Variants in HHLA2 observed in about 807,000 individuals in gnomAD.
HHLA2 encodes HHLA2 member of B7 family, also known as HERV-H LTR-associating protein 2.
HHLA2 carries 48 observed loss-of-function variants against 45.9 expected under a neutral mutation model. That is an observed-to-expected ratio of 1.05 (90% CI 0.83 to 1.33). The LOEUF (loss-of-function observed/expected upper bound fraction) is 1.33. HHLA2 is among the 40% of genes most tolerant of loss of function. The probability of loss-of-function intolerance (pLI) is 0.00; values close to 1 mark genes in which losing one functional copy is unlikely to be tolerated. For synonymous variants in HHLA2, 161 were observed against 173.9 expected (o/e 0.93, Z 0.59); for missense variants, 462 against 494.3 (o/e 0.93, Z 0.62).
chr3:108,371,447 A>C (rs1159111860), intron 8 of HHLA2, among the ~76,000 whole-genome samples: 1 of 152,228 alleles, frequency 6.6e-6, no homozygotes, highest in Non-Finnish European at 1.5e-5. Flanking sequence ...CTAACATCAT[A>C]ATGACAGGAT....
chr3:108,341,566 G>A (rs1395229569), intron 3 of HHLA2, among the ~76,000 whole-genome samples: 1 of 150,828 alleles, frequency 6.6e-6, no homozygotes, highest in Non-Finnish European at 1.5e-5. Context: ...ACATTTTGTT[G>A]TGAAAGGAGA....
rs117226372 is a variant in HHLA2 at position 108,318,250 on chromosome 3, A to G, written c.-105+7509A>G. Among the ~76,000 whole-genome samples, 9 of 152,320 alleles carry G rather than the reference A, an allele frequency of 5.9e-5. No homozygotes were observed. In the East Asian group the frequency reaches 1.7e-3, roughly 29 times the overall value. On this transcript the variant is annotated intron_variant, in intron 2 of 10. Transcript: ENST00000619531. ...TTTTGAATTTGGTCCTTATGGAGCA[A>G]TATTTTTCTTCAGACCTCACTATAA...
intron 2 of HHLA2, among the ~76,000 whole-genome samples, chr3:108,324,635 GCTTTT>G (rs2107355813): frequency 2.0e-5 from 3 of 152,238 alleles, no homozygotes; most frequent in Middle Eastern, 3.4e-3. Flanking sequence ...TCCTGTCCTT[GCTTTT>G]CTTTAGTGTT....
intron 1 of HHLA2, among the ~76,000 whole-genome samples, chr3:108,301,665 G>A (rs886159764): frequency 1.3e-5 from 2 of 152,052 alleles, no homozygotes; most frequent in Non-Finnish European, 2.9e-5. Flanking sequence ...AGGGTGGCCC[G>A]TGGTAGTTTT....
chr3:108,317,019 G>T (rs2081113857), intron 2 of HHLA2, among the ~76,000 whole-genome samples: 2 of 152,216 alleles, frequency 1.3e-5, no homozygotes, highest in Admixed American at 1.3e-4. Context: ...AATCATGGCT[G>T]TTGTGGACAG....
intron 9 of HHLA2, 41 bp from the exon 9 acceptor site, chr3:108,376,452 G>A (rs773993803): frequency 1.6e-5 from 24 of 1,531,354 alleles, no homozygotes; most frequent in Non-Finnish European, 2.0e-5. Context: ...TTTGGTGTTT[G>A]CAAAGAAATT....
At chr3:108,298,787 G>A (rs1478177733) in intron 1 of HHLA2, among the ~76,000 whole-genome samples, 1 of 152,144 alleles carries the variant, frequency 6.6e-6, no homozygotes, top group African/African-American at 2.4e-5. Context: ...CTTAGTCCTC[G>A]ATCTTGGAAT....
At chr3:108,353,496 A>T in exon 5 of HHLA2, 1 of 1,609,200 alleles carries the variant, frequency 6.2e-7, no homozygotes. Flanking sequence ...AGACTTGATG[A>T]AGATATAATT....
intron 3 of HHLA2, among the ~76,000 whole-genome samples, chr3:108,328,762 T>C (rs2081334358): frequency 1.3e-5 from 2 of 151,812 alleles, no homozygotes; most frequent in Non-Finnish European, 2.9e-5. Context: ...ATAGTGGTGC[T>C]GGGGTGTTCA....
At chr3:108,306,541 C>T (rs1016590646) in intron 1 of HHLA2, among the ~76,000 whole-genome samples, 1 of 152,064 alleles carries the variant, frequency 6.6e-6, no homozygotes, top group African/African-American at 2.4e-5. Context: ...AAACTGCTAT[C>T]CAATTTCTTT....
At chr3:108,331,677 A>G (rs887504820) in intron 3 of HHLA2, among the ~76,000 whole-genome samples, 5 of 152,182 alleles carry the variant, frequency 3.3e-5, no homozygotes, top group African/African-American at 1.2e-4. Context: ...GCATATTTTA[A>G]TAAGAACCCA....
intron 3 of HHLA2, among the ~76,000 whole-genome samples, chr3:108,344,894 T>A (rs1433469601): frequency 6.6e-6 from 1 of 152,216 alleles, no homozygotes; most frequent in African/African-American, 2.4e-5. Context: ...AGGATTATAT[T>A]ATCTACCCAT....
At chr3:108,357,117 C>T (rs1553757139) in intron 6 of HHLA2, among the ~76,000 whole-genome samples, 1 of 152,136 alleles carries the variant, frequency 6.6e-6, no homozygotes, top group Non-Finnish European at 1.5e-5. Context: ...TTTGAACCAT[C>T]AGAGAGGCCC....
At chr3:108,342,673 A>G (rs2081594044) in intron 3 of HHLA2, among the ~76,000 whole-genome samples, 1 of 152,140 alleles carries the variant, frequency 6.6e-6, no homozygotes. Context: ...GTCATGCTGT[A>G]CCCCTGGGAC....
chr3:108,352,038 G>C (rs896260305), intron 4 of HHLA2, among the ~76,000 whole-genome samples, 161 bp downstream of exon 3: 1 of 152,116 alleles, frequency 6.6e-6, no homozygotes, highest in African/African-American at 2.4e-5. Context: ...TCTGCATGAA[G>C]ACTAAAAATT....
chr3:108,317,305 A>G (rs562164152), intron 2 of HHLA2, among the ~76,000 whole-genome samples: 1 of 152,310 alleles, frequency 6.6e-6, no homozygotes, highest in Admixed American at 6.5e-5. Flanking sequence ...GGATTTTTTT[A>G]AAGTATAGAC....
chr3:108,348,707 G>A (rs769874337), intron 3 of HHLA2, among the ~76,000 whole-genome samples: 3 of 151,364 alleles, frequency 2.0e-5, no homozygotes, highest in Non-Finnish European at 2.9e-5. Flanking sequence ...ATGCAGTTTT[G>A]TTACATAGGT....
At chr3:108,300,315 C>A (rs1303289573) in intron 1 of HHLA2, among the ~76,000 whole-genome samples, 2 of 152,086 alleles carry the variant, frequency 1.3e-5, no homozygotes. Flanking sequence ...CAAGGACAAC[C>A]TGCCATGGGG....
At chr3:108,357,875 T>G in exon 7 of HHLA2, 1 of 1,613,090 alleles carries the variant, frequency 6.2e-7, no homozygotes, top group Non-Finnish European at 8.5e-7. Flanking sequence ...GTGAACACGT[T>G]TCACTCTCAT....
Sources: allele counts gnomAD v4.1 joint callset (sites outside exome capture counted in the v4.1 genomes callset), GRCh38; gene constraint gnomAD v4.1.1; transcripts MANE v1.5; gene names NCBI Gene and HGNC (gene_info 2026-07-23, HGNC 2026-07-21).